The following CMBL variants were observed in gnomAD, a reference collection of about 807,000 sequenced individuals.
CMBL encodes the protein carboxymethylenebutenolidase homolog, also known as carboxymethylenebutenolidase homolog (Pseudomonas).
Under a neutral mutation model 28.7 loss-of-function variants are expected in CMBL, and 17 were observed. The observed-to-expected ratio is 0.59, with a 90% CI of 0.41 to 0.89. The LOEUF is 0.89. CMBL is among the 40% of genes least tolerant of loss of function. CMBL has a pLI of 0.00. For missense variants in CMBL, 310 were observed against 298.5 expected (o/e 1.04, Z -0.28); for synonymous variants, 106 against 101.6 (o/e 1.04, Z -0.26).
intron 5 of CMBL, among the ~76,000 whole-genome samples, chr5:10,281,040 T>C (rs536472593): frequency 2.9e-4 from 44 of 152,354 alleles, no homozygotes; most frequent in African/African-American, 9.1e-4. Flanking sequence ...TCCCAATGTG[T>C]TGGGATTACA....
In CMBL at chr5:10,280,275, C is replaced by G. The variant is rs1746476192; in HGVS notation, c.*178G>C. ...TTAAATTATGATTCGATGTACATGT[C>G]AAAAATTAAATTATTTCATGCATTA... is the stretch of plus-strand genomic sequence containing the variant. On this transcript the variant is annotated 3_prime_UTR_variant, in exon 6 of 6. Transcript: ENST00000296658. The G allele has an allele frequency of 2.0e-6, 1 of 512,752 alleles. No homozygotes were observed. Among genetic ancestry groups the G allele is most frequent in the Admixed American group, 3.4e-5 (1 of 29,354 alleles). The allele number at this position is 512,752 out of a possible 1,614,324, so 31.8% of individuals were successfully genotyped here. A position where few individuals can be genotyped will look rare whatever the true frequency, so the allele number is the denominator to read the frequency against.
In CMBL at chr5:10,293,932, G is replaced by A. The variant is rs150525779; in HGVS notation, c.-19-3151C>T. Reference sequence around the variant, plus strand: ...AGAGCAGAGAAGGAAAGAAGACAATGTTGGTTGAGGGTGTGAGTTGCAATT... The same window carrying A: ...AGAGCAGAGAAGGAAAGAAGACAATATTGGTTGAGGGTGTGAGTTGCAATT... On this transcript the variant is annotated intron_variant, in intron 1 of 5. Transcript: ENST00000296658. Among the ~76,000 whole-genome samples the A allele has an allele frequency of 3.3e-5, 5 of 152,364 alleles. No individual in the cohort carries two copies. The East Asian group carries it at 7.7e-4, about 23-fold the overall frequency.
chr5:10,286,531 C>A, intron 3 of CMBL, 35 bp from the exon 4 acceptor site: 2 of 1,598,918 alleles, frequency 1.3e-6, no homozygotes, highest in South Asian at 1.1e-5. Flanking sequence ...AAGAATCAGG[C>A]TTATTTTGTG....
chr5:10,279,503 G>A lies in CMBL; in HGVS notation c.*950C>T, dbSNP rs1401451807. The A allele has an allele frequency of 5.9e-5, 9 of 151,594 alleles. No homozygotes were observed. The highest frequency in any genetic ancestry group is 1.2e-4 in the Non-Finnish European group (8 of 67,990). 9.4% of individuals were successfully genotyped at this position (151,594 alleles called of 1,614,324 possible). A position where few individuals can be genotyped will look rare whatever the true frequency, so the allele number is the denominator to read the frequency against. On this transcript the variant is annotated 3_prime_UTR_variant, in exon 6 of 6. Coordinates refer to ENST00000296658, the MANE Select transcript of CMBL (RefSeq NM_138809.4). ...TATGATGTGTTCAAAGACCAGAAAA[G>A]GCCACACTTGACCTGTCAGCTGGTC...
chr5:10,292,213 T>TTTTTG (rs1554013765), intron 1 of CMBL: 2 of 152,132 alleles, frequency 1.3e-5, no homozygotes, highest in Admixed American at 6.5e-5. Context: ...CTTGGATTTT[T>TTTTTG]TTTTGTTTTG....
chr5:10,302,433 C>T (rs946608389), intron 1 of CMBL, among the ~76,000 whole-genome samples: 2 of 148,458 alleles, frequency 1.3e-5, no homozygotes, highest in Non-Finnish European at 3.0e-5. Context: ...TCACTTGAGG[C>T]AAGGATCCAA....
Position 10,278,803 on chromosome 5 carries a change from C to T in CMBL, c.*1650G>A, listed in dbSNP as rs1251695575. Among the ~76,000 whole-genome samples the T allele has an allele frequency of 6.6e-6, 1 of 152,048 alleles. No homozygotes were observed. The highest frequency in any genetic ancestry group is 1.5e-5 in the Non-Finnish European group (1 of 68,020). ...CAGTAGGAATAAACTGGACACAGGT[C>T]AGATGAGAGCCACAAGGTCATGTGC... is the stretch of plus-strand genomic sequence containing the variant. On this transcript the variant is annotated 3_prime_UTR_variant, in exon 6 of 6. Transcript: ENST00000296658.
chr5:10,284,403 T>C (rs1746559643), intron 4 of CMBL, among the ~76,000 whole-genome samples: 2 of 152,336 alleles, frequency 1.3e-5, no homozygotes, highest in South Asian at 2.1e-4. Context: ...CAAGAAGGAA[T>C]CATTAGTATA....
Position 10,303,415 on chromosome 5 carries a change from G to A in CMBL, c.-20+4210C>T, listed in dbSNP as rs114151879. Reference sequence around the variant, plus strand: ...ATTTTACAGAGTTTGACTTCCTTCTGTCAACAACACATGTATTTATTAAAA... The same window carrying A: ...ATTTTACAGAGTTTGACTTCCTTCTATCAACAACACATGTATTTATTAAAA... On this transcript the variant is annotated intron_variant, in intron 1 of 5. Transcript: ENST00000296658. Among the ~76,000 whole-genome samples, 843 of 152,240 alleles carry A rather than the reference G, an allele frequency of 5.5e-3. 6 individuals are homozygous for A. The highest frequency in any genetic ancestry group is 0.019 in the African/African-American group (810 of 41,542).
At position 10,290,547 on chromosome 5, in the gene CMBL, C is replaced by A. The variant is rs762782155; in HGVS notation, c.215+1G>T. 8 of 1,606,410 alleles carry A rather than the reference C, an allele frequency of 5.0e-6. No homozygotes were observed. In the Admixed American group the frequency reaches 1.0e-4, roughly 20 times the overall value. On this transcript the variant is annotated splice_donor_variant, in intron 2 of 5. Transcript: ENST00000296658. LOFTEE classifies it high-confidence loss of function. Reference sequence around the variant, plus strand: ...ACAAAGAAACACAACTTTATACATACGTGTATCCATTTCCTGAGATCATGT... The same window carrying A: ...ACAAAGAAACACAACTTTATACATAAGTGTATCCATTTCCTGAGATCATGT...
chr5:10,283,429 GAGTGTGGA>G (rs1036282128), intron 4 of CMBL, among the ~76,000 whole-genome samples: 88 of 152,246 alleles, frequency 5.8e-4, no homozygotes, highest in African/African-American at 2.0e-3. Flanking sequence ...ACCAGACCAC[GAGTGTGGA>G]AGTGTGGAAG....
At chr5:10,282,032 C>T (rs1241517150) in intron 5 of CMBL, among the ~76,000 whole-genome samples, 165 bp downstream of exon 5, 5 of 151,850 alleles carry the variant, frequency 3.3e-5, no homozygotes, top group African/African-American at 1.2e-4. Context: ...CGGTGGTGGG[C>T]GCCTGTAGTC....
Position 10,278,526 on chromosome 5 carries a change from G to A in CMBL, c.*1927C>T, listed in dbSNP as rs375244237. On this transcript the variant is annotated 3_prime_UTR_variant, in exon 6 of 6. Coordinates refer to ENST00000296658, the MANE Select transcript of CMBL (RefSeq NM_138809.4). ...AGAACCTCCAGGGGAAACCTGCATA[G>A]ATGACACCCTGGGCCCCAGTGAAGG... is the stretch of plus-strand genomic sequence containing the variant. 1.3e-5 allele frequency among the ~76,000 whole-genome samples: 2 copies of A among 152,038 alleles called. No homozygotes were observed. The highest frequency in any genetic ancestry group is 3.9e-4 in the East Asian group (2 of 5,170).
At position 10,283,104 on chromosome 5, in the gene CMBL, A is replaced by AAAAAAG. The variant is rs1260479178; in HGVS notation, c.467-817_467-816insCTTTTT. 3.3e-5 allele frequency among the ~76,000 whole-genome samples: 5 copies of AAAAAAG among 151,690 alleles called. No individual in the cohort carries two copies. In the East Asian group the frequency reaches 9.7e-4, roughly 29 times the overall value. ...AGACTCCGTCTCAGAAAAAAAAAAA[A>AAAAAAG]AAAGAGGATTATAAGAGTACAAGAG... On this transcript the variant is annotated intron_variant, in intron 4 of 5. Coordinates refer to ENST00000296658, the MANE Select transcript of CMBL (RefSeq NM_138809.4).
In CMBL at chr5:10,280,479, T is replaced by TA. The variant is rs775804472; in HGVS notation, c.711_712insT (p.Ile238TyrfsTer2). ...TACATGTACTTGTTCAGCCACTCAATTAAATTCCTTCTGGCCTCGTCAATG... is the reference window on the plus strand; with the variant it reads ...TACATGTACTTGTTCAGCCACTCAATATAAATTCCTTCTGGCCTCGTCAATG... On this transcript the variant is annotated frameshift_variant, in exon 6 of 6. Transcript: ENST00000296658. LOFTEE classifies it high-confidence loss of function. 2 of 1,607,166 alleles carry TA rather than the reference T, an allele frequency of 1.2e-6. No individual in the cohort carries two copies. Among genetic ancestry groups the TA allele is most frequent in the Admixed American group, 3.3e-5 (2 of 59,936 alleles).
At chr5:10,285,050 T>C (rs1414534635) in intron 4 of CMBL, among the ~76,000 whole-genome samples, 2 of 152,038 alleles carry the variant, frequency 1.3e-5, no homozygotes, top group African/African-American at 4.8e-5. Context: ...GTCATCCAGG[T>C]TGGAGTGCAG....
chr5:10,299,902 A>C (rs1401709021), intron 1 of CMBL, among the ~76,000 whole-genome samples: 7 of 152,174 alleles, frequency 4.6e-5, no homozygotes, highest in African/African-American at 1.7e-4. Flanking sequence ...ATTATGGAAA[A>C]ATGTTCTTGG....
intron 1 of CMBL, among the ~76,000 whole-genome samples, chr5:10,296,945 G>A (rs1004151662): frequency 6.6e-6 from 1 of 152,194 alleles, no homozygotes; most frequent in African/African-American, 2.4e-5. Flanking sequence ...AGCACTTTAA[G>A]AGGCCAAAGT....
chr5:10,286,340 C>T lies in CMBL; in HGVS notation c.466+14G>A. 3.1e-6 allele frequency: 5 copies of T among 1,611,394 alleles called. No individual in the cohort carries two copies. The highest frequency in any genetic ancestry group is 1.7e-5 in the Admixed American group (1 of 59,788). The stretch of plus-strand genomic sequence containing the variant: ...CCCTTCTGCATGGAGTAAAAATGCA[C>T]AAGGCAGATTTACCATAGACGGACA... On this transcript the variant is annotated intron_variant, in intron 4 of 5. Transcript: ENST00000296658.
Sources: gnomAD v4.1 joint callset for allele counts (sites outside exome capture counted in the v4.1 genomes callset) on GRCh38, gnomAD v4.1.1 for gene constraint, MANE v1.5 for transcripts, NCBI Gene and HGNC (gene_info 2026-07-23, HGNC 2026-07-21) for gene names.